The following CD101 variants were observed in gnomAD, a reference collection of about 807,000 sequenced individuals.
CD101 encodes the protein CD101 molecule, also known as immunoglobulin superfamily member 2.
In CD101, 76 loss-of-function variants were observed where a neutral mutation model predicts 98.2. That is an observed-to-expected ratio of 0.77 (90% CI 0.64 to 0.94). CD101 has a LOEUF of 0.94. Among genes scored for constraint, CD101 ranks in the 40% least tolerant of loss-of-function variants. CD101 has a pLI of 0.00. For missense variants in CD101, 1,145 were observed against 1,218.8 expected (o/e 0.94, Z 0.90); for synonymous variants, 471 against 472.7 (o/e 1.00, Z 0.05).
At position 117,019,480 on chromosome 1, in the gene CD101, A is replaced by G. The variant is rs973451505; in HGVS notation, c.2017+920A>G. Among the ~76,000 whole-genome samples the G allele has an allele frequency of 2.6e-5, 4 of 152,072 alleles. No individual in the cohort carries two copies. Among genetic ancestry groups the G allele is most frequent in the Non-Finnish European group, 5.9e-5 (4 of 68,008 alleles). ...TGTGGTATTTGCAATTGCTGCCCCAATCTGTCTTCTTGAAACTTCTTTTTT... is the reference window on the plus strand; with the variant it reads ...TGTGGTATTTGCAATTGCTGCCCCAGTCTGTCTTCTTGAAACTTCTTTTTT... On this transcript the variant is annotated intron_variant, in intron 6 of 9. Coordinates refer to ENST00000682167, the MANE Select transcript of CD101 (RefSeq NM_001256106.3). The surrounding 1 kb of genome is among the most constrained non-coding windows in gnomAD (Gnocchi z 4.3).
rs772715252 is a variant in CD101 at position 117,010,064 on chromosome 1, G to A, written c.258G>A (p.Thr86=). ...KDAAFSYAVY[T]QRVRSGDVYV... ...CTGCCTTCTCTTACGCAGTATATACGCAGCGGGTGCGAAGCGGAGACGTCT... is the reference window on the plus strand; with the variant it reads ...CTGCCTTCTCTTACGCAGTATATACACAGCGGGTGCGAAGCGGAGACGTCT... The change falls in exon 2 of 10, where the codon ACG becomes ACA. Residue 86 remains threonine, a synonymous_variant. Coordinates refer to ENST00000682167, the MANE Select transcript of CD101 (RefSeq NM_001256106.3). The surrounding 1 kb of genome is among the most constrained non-coding windows in gnomAD (Gnocchi z 5.2). 1.6e-5 allele frequency: 26 copies of A among 1,614,054 alleles called. No individual in the cohort carries two copies. Among genetic ancestry groups the A allele is most frequent in the East Asian group, 4.5e-5 (2 of 44,890 alleles).
Position 117,025,790 on chromosome 1 carries a change from G to A in CD101, c.2710G>A (p.Ala904Thr). The A allele has an allele frequency of 6.2e-7, 1 of 1,614,210 alleles. No homozygotes were observed. Among genetic ancestry groups the A allele is most frequent in the Non-Finnish European group, 8.5e-7 (1 of 1,180,044 alleles). ...GCTTCATCAGGTGGAGATGGAGGAT[G>A]CAGGAATGTACTGGTGTAGGGTGGC... ...LKLHQVEMED[A>T]GMYWCRVAEW... Residue 904 changes from alanine to threonine, a missense_variant, in exon 8 of 10, where the codon GCA becomes ACA. Physicochemically the swap from Ala to Thr is moderately conservative, Grantham distance 58 (BLOSUM62 0). Coordinates refer to ENST00000682167, the MANE Select transcript of CD101 (RefSeq NM_001256106.3).
rs757922235 is a variant in CD101 at position 117,022,168 on chromosome 1, A to G, written c.2428+185A>G. Among the ~76,000 whole-genome samples the G allele has an allele frequency of 2.0e-5, 3 of 152,154 alleles. No individual in the cohort carries two copies. Among genetic ancestry groups the G allele is most frequent in the Admixed American group, 6.5e-5 (1 of 15,278 alleles). On this transcript the variant is annotated intron_variant, in intron 7 of 9. Transcript: ENST00000682167. The surrounding 1 kb of genome is among the most constrained non-coding windows in gnomAD (Gnocchi z 4.8). ...AAAGGAGGGGAGGTCACTTAAGGCAATCCAATCTGAGGTTTTGGGGAGCTG... is the reference window on the plus strand; with the variant it reads ...AAAGGAGGGGAGGTCACTTAAGGCAGTCCAATCTGAGGTTTTGGGGAGCTG...
intron 8 of CD101, among the ~76,000 whole-genome samples, chr1:117,028,111 T>A (rs1477908013): frequency 7.2e-6 from 1 of 139,312 alleles, no homozygotes; most frequent in African/African-American, 2.9e-5. Flanking sequence ...ATAAATAAAA[T>A]AAAATAAAAT....
chr1:117,007,840 A>G (rs1287188302), intron 1 of CD101, among the ~76,000 whole-genome samples: 3 of 152,076 alleles, frequency 2.0e-5, no homozygotes, highest in African/African-American at 7.2e-5. Flanking sequence ...GTAATTGTTG[A>G]TTTTTGTTTC....
rs187576643 is a variant in CD101 at position 117,012,698 on chromosome 1, G to T, written c.842-708G>T. Among the ~76,000 whole-genome samples the T allele has an allele frequency of 1.4e-3, 219 of 152,250 alleles. 1 individual carries two copies. The highest frequency in any genetic ancestry group is 5.1e-3 in the African/African-American group (212 of 41,550). On this transcript the variant is annotated intron_variant, in intron 3 of 9. Transcript: ENST00000682167. This position sits in a 1 kb window ranked among gnomAD's most constrained non-coding sequence, Gnocchi z 4.0. Reference sequence around the variant, plus strand: ...GCTGGGATTTCAGGCGTGAGCCACCGCACCCAGCCTGCTGTTACTTTTCAT... The same window carrying T: ...GCTGGGATTTCAGGCGTGAGCCACCTCACCCAGCCTGCTGTTACTTTTCAT...
rs1653623304 is a variant in CD101 at position 117,022,088 on chromosome 1, A to G, written c.2428+105A>G. Reference sequence around the variant, plus strand: ...TTATGTGGAAGTAAAAATATGACCTAAAGTCATAGGAACAGTATCTACCTA... The same window carrying G: ...TTATGTGGAAGTAAAAATATGACCTGAAGTCATAGGAACAGTATCTACCTA... On this transcript the variant is annotated intron_variant, in intron 7 of 9. Transcript: ENST00000682167. This position sits in a 1 kb window ranked among gnomAD's most constrained non-coding sequence, Gnocchi z 4.8. 3 of 1,254,702 alleles carry G rather than the reference A, an allele frequency of 2.4e-6. No homozygotes were observed. The East Asian group carries it at 7.0e-5, about 29-fold the overall frequency. 77.7% of individuals were successfully genotyped at this position (1,254,702 alleles called of 1,614,324 possible).
At chr1:117,029,204 A>AGGG (rs1654208284) in intron 8 of CD101, among the ~76,000 whole-genome samples, 1 of 58,814 alleles carries the variant, frequency 1.7e-5, no homozygotes, top group Non-Finnish European at 3.3e-5. Context: ...AGAAAGAAAG[A>AGGG]AAAGAAAGAA....
rs115596010 is a variant in CD101 at position 117,035,239 on chromosome 1, C to A, written c.*34-929C>A. On this transcript the variant is annotated intron_variant, in intron 9 of 9. Coordinates refer to ENST00000682167, the MANE Select transcript of CD101 (RefSeq NM_001256106.3). ...CACCTAAAGACTTGAGAAAACACAT[C>A]TATTTATTATCTATGTGACCAACCG... Among the ~76,000 whole-genome samples, 1,293 of 152,308 alleles carry A rather than the reference C, an allele frequency of 8.5e-3. 25 individuals are homozygous for A. Among genetic ancestry groups the A allele is most frequent in the African/African-American group, 0.03 (1,244 of 41,546 alleles).
Position 117,010,019 on chromosome 1 carries a change from G to A in CD101, c.213G>A (p.Gln71=). 1 of 1,614,210 alleles carries A rather than the reference G, an allele frequency of 6.2e-7. No individual in the cohort carries two copies. Among genetic ancestry groups the A allele is most frequent in the African/African-American group, 1.3e-5 (1 of 75,050 alleles). Residue 71 remains glutamine, a synonymous_variant, in exon 2 of 10, where the codon CAG becomes CAA. Transcript: ENST00000682167. This position sits in a 1 kb window ranked among gnomAD's most constrained non-coding sequence, Gnocchi z 5.2. ...CGACAAACCCGACCCAGGAAGTCCA[G>A]ATCATTAGCACCAAGGATGCTGCCT... The part of the protein sequence containing the change: ...YLPTNPTQEV[Q]IISTKDAAFS...
chr1:117,026,177 G>A (rs1158286269), intron 8 of CD101: 1 of 340,374 alleles, frequency 2.9e-6, no homozygotes, highest in Non-Finnish European at 5.4e-6. Context: ...GGGAGAAGGT[G>A]GGAGGTGAGC....
chr1:117,008,974 A>G (rs914258483), intron 1 of CD101, among the ~76,000 whole-genome samples: 5 of 152,228 alleles, frequency 3.3e-5, no homozygotes, highest in Non-Finnish European at 7.3e-5. Context: ...AAAATGAACT[A>G]GCCTTTAATA....
chr1:117,010,321 T>C lies in CD101; in HGVS notation c.424+91T>C. The stretch of plus-strand genomic sequence containing the variant: ...CTTGCAATATGACATGGCTTTATAT[T>C]GTTCCATTTTCTTTGGGAAAAGAGC... On this transcript the variant is annotated intron_variant, in intron 2 of 9. Coordinates refer to ENST00000682167, the MANE Select transcript of CD101 (RefSeq NM_001256106.3). The surrounding 1 kb of genome is among the most constrained non-coding windows in gnomAD (Gnocchi z 5.2). The C allele has an allele frequency of 7.1e-7, 1 of 1,402,000 alleles. No individual in the cohort carries two copies. Among genetic ancestry groups the C allele is most frequent in the Non-Finnish European group, 9.6e-7 (1 of 1,036,826 alleles). The allele number at this position is 1,402,000 out of a possible 1,614,324, so 86.8% of individuals were successfully genotyped here.
Position 117,019,948 on chromosome 1 carries a change from A to G in CD101, c.2017+1388A>G, listed in dbSNP as rs1011475916. The stretch of plus-strand genomic sequence containing the variant: ...TCTGGTACATTTGTGTCTTTCCAGC[A>G]TCATCTCCTTCAACTTTCCATCGTG... On this transcript the variant is annotated intron_variant, in intron 6 of 9. Transcript: ENST00000682167. The surrounding 1 kb of genome is among the most constrained non-coding windows in gnomAD (Gnocchi z 4.3). Among the ~76,000 whole-genome samples, 2 of 152,236 alleles carry G rather than the reference A, an allele frequency of 1.3e-5. No individual in the cohort carries two copies. The highest frequency in any genetic ancestry group is 2.4e-5 in the African/African-American group (1 of 41,536).
chr1:117,019,979 G>A lies in CD101; in HGVS notation c.2017+1419G>A, dbSNP rs1653478805. Among the ~76,000 whole-genome samples the A allele has an allele frequency of 6.6e-6, 1 of 151,958 alleles. No homozygotes were observed. Among genetic ancestry groups the A allele is most frequent in the Admixed American group, 6.6e-5 (1 of 15,236 alleles). On this transcript the variant is annotated intron_variant, in intron 6 of 9. Transcript: ENST00000682167. The surrounding 1 kb of genome is among the most constrained non-coding windows in gnomAD (Gnocchi z 4.3). ...TCCTTCAACTTTCCATCGTGAATTT[G>A]AGCTTCAGCCACACTGAATTACTGG... is the stretch of plus-strand genomic sequence containing the variant.
rs1034678917 is a variant in CD101, at chr1:117,004,291, T to C, written c.43+2431T>C. Among the ~76,000 whole-genome samples, 1 of 152,214 alleles carries C rather than the reference T, an allele frequency of 6.6e-6. No individual in the cohort carries two copies. The highest frequency in any genetic ancestry group is 1.5e-5 in the Non-Finnish European group (1 of 68,036). On this transcript the variant is annotated intron_variant, in intron 1 of 9. Coordinates refer to ENST00000682167, the MANE Select transcript of CD101 (RefSeq NM_001256106.3). This position sits in a 1 kb window ranked among gnomAD's most constrained non-coding sequence, Gnocchi z 4.1. Reference sequence around the variant, plus strand: ...AATGTGAAAAGAGAAAGAAGCTGCTTGTTATGTTGGCTATTCCTGAGGTAG... The same window carrying C: ...AATGTGAAAAGAGAAAGAAGCTGCTCGTTATGTTGGCTATTCCTGAGGTAG...
At chr1:117,011,500 A>G (rs1652883429) in intron 2 of CD101, 50 bp from the exon 3 acceptor site, 2 of 1,533,150 alleles carry the variant, frequency 1.3e-6, no homozygotes, top group South Asian at 2.5e-5. Flanking sequence ...AAGGAGGCCC[A>G]CTGGACAAGC....
rs1431759105 is a variant in CD101 at position 117,004,534 on chromosome 1, C to G, written c.43+2674C>G. On this transcript the variant is annotated intron_variant, in intron 1 of 9. Transcript: ENST00000682167. The surrounding 1 kb of genome is among the most constrained non-coding windows in gnomAD (Gnocchi z 4.1). ...GATTCTAATGTTAGTATGTCAGTGCCAAGCTTTGTACTCATCAGCCAACAA... is the reference window on the plus strand; with the variant it reads ...GATTCTAATGTTAGTATGTCAGTGCGAAGCTTTGTACTCATCAGCCAACAA... Among the ~76,000 whole-genome samples the G allele has an allele frequency of 6.6e-6, 1 of 152,032 alleles. No homozygotes were observed. The highest frequency in any genetic ancestry group is 2.4e-5 in the African/African-American group (1 of 41,378).
chr1:117,034,298 C>T (rs1351248857), intron 9 of CD101, 164 bp downstream of exon 9: 4 of 616,970 alleles, frequency 6.5e-6, no homozygotes, highest in South Asian at 6.0e-5. Flanking sequence ...CTTACCTCAT[C>T]CACCTCTCGC....
Sources: gnomAD v4.1 joint callset for allele counts (sites outside exome capture counted in the v4.1 genomes callset) on GRCh38, gnomAD v4.1.1 for gene constraint, Gnocchi (gnomAD v3.1) non-coding constraint, MANE v1.5 for transcripts, NCBI Gene and HGNC (gene_info 2026-07-23, HGNC 2026-07-21) for gene names.